The following PANX1 variants were observed in gnomAD, a reference collection of about 807,000 sequenced individuals.
PANX1 encodes pannexin 1, also known as pannexin-1.
In PANX1, 30 loss-of-function variants were observed where a neutral mutation model predicts 38.7. The observed-to-expected ratio is 0.78, with a 90% CI of 0.58 to 1.05. PANX1 has a LOEUF of 1.05. Among genes scored for constraint, PANX1 ranks in the 50% least tolerant of loss-of-function variants. PANX1 has a pLI of 0.00. For missense variants in PANX1, 551 were observed against 517.2 expected (o/e 1.07, Z -0.63); for synonymous variants, 230 against 212.2 (o/e 1.08, Z -0.73).
chr11:94,168,778 A>AGTGACAGCAGTTGAGATCTAGG (rs1947130990), intron 2 of PANX1, among the ~76,000 whole-genome samples: 1 of 151,586 alleles, frequency 6.6e-6, no homozygotes, highest in African/African-American at 2.4e-5. Flanking sequence ...CTTGGTCTAG[A>AGTGACAGCAGTTGAGATCTAGG]GTGACAGCAG....
chr11:94,152,901 C>T (rs1946899875), intron 1 of PANX1, among the ~76,000 whole-genome samples: 4 of 152,098 alleles, frequency 2.6e-5, no homozygotes, highest in South Asian at 2.1e-4. Flanking sequence ...GGTTTGCAGT[C>T]GTGAGCGTTT....
intron 1 of PANX1, 135 bp from the exon 2 acceptor site, chr11:94,153,356 T>G: frequency 1.2e-6 from 1 of 854,604 alleles, no homozygotes; most frequent in Admixed American, 2.5e-5. Flanking sequence ...GGGTGTTTGT[T>G]TTTAGTTCTG....
chr11:94,175,075 C>G (rs1397498002), intron 2 of PANX1, among the ~76,000 whole-genome samples: 2 of 151,716 alleles, frequency 1.3e-5, no homozygotes, highest in Non-Finnish European at 2.9e-5. Context: ...CATCCCAGGC[C>G]TAATGTGGAG....
chr11:94,172,250 A>G (rs1390327863), intron 2 of PANX1, among the ~76,000 whole-genome samples: 1 of 151,558 alleles, frequency 6.6e-6, no homozygotes, highest in East Asian at 1.9e-4. Flanking sequence ...TCGGCTTCCC[A>G]GGAGATTCTG....
At chr11:94,162,802 G>A (rs1565381159) in intron 2 of PANX1, among the ~76,000 whole-genome samples, 1 of 151,608 alleles carries the variant, frequency 6.6e-6, no homozygotes, top group African/African-American at 2.4e-5. Flanking sequence ...CCTGTCTTCT[G>A]CGTCGCTCAC....
At chr11:94,158,899 T>C (rs543128747) in intron 2 of PANX1, among the ~76,000 whole-genome samples, 12 of 152,316 alleles carry the variant, frequency 7.9e-5, no homozygotes, top group African/African-American at 2.9e-4. Flanking sequence ...CATAGATAGC[T>C]CTTATTATTT....
In PANX1 at chr11:94,129,125, G is replaced by A. The variant is rs995523833; in HGVS notation, c.-188G>A. On this transcript the variant is annotated 5_prime_UTR_variant, in exon 1 of 5. Coordinates refer to ENST00000227638, the MANE Select transcript of PANX1 (RefSeq NM_015368.4). Reference sequence around the variant, plus strand: ...CCGCCCCGCCGGCGGCGGAGGCAGCGAGCGCGAGAGCCCAGCGGAGTCGCT... The same window carrying A: ...CCGCCCCGCCGGCGGCGGAGGCAGCAAGCGCGAGAGCCCAGCGGAGTCGCT... The A allele has an allele frequency of 8.9e-5, 41 of 458,668 alleles. No homozygotes were observed. Among genetic ancestry groups the A allele is most frequent in the African/African-American group, 8.1e-4 (39 of 48,378 alleles). 28.4% of individuals were successfully genotyped at this position (458,668 alleles called of 1,614,324 possible).
At position 94,180,927 on chromosome 11, in the gene PANX1, C is replaced by T. The variant is rs573460755; in HGVS notation, c.*58C>T. 577 of 967,304 alleles carry T rather than the reference C, an allele frequency of 6.0e-4. 4 individuals carry two copies. In the South Asian group the frequency reaches 7.1e-3, roughly 12 times the overall value. 59.9% of individuals were successfully genotyped at this position (967,304 alleles called of 1,614,324 possible). On this transcript the variant is annotated 3_prime_UTR_variant, in exon 5 of 5. Transcript: ENST00000227638. ...TTCTGCGACATGGGATTTAATTTGGCTAAAGCACCCCTGTTGGTTTCACAG... is the reference window on the plus strand; with the variant it reads ...TTCTGCGACATGGGATTTAATTTGGTTAAAGCACCCCTGTTGGTTTCACAG...
At chr11:94,147,598 G>T (rs1010900416) in intron 1 of PANX1, among the ~76,000 whole-genome samples, 1 of 152,084 alleles carries the variant, frequency 6.6e-6, no homozygotes, top group South Asian at 2.1e-4. Flanking sequence ...CCTCCTTCTC[G>T]TTTCTGTTGC....
intron 2 of PANX1, among the ~76,000 whole-genome samples, chr11:94,167,700 G>T (rs971046139): frequency 1.3e-5 from 2 of 152,148 alleles, no homozygotes; most frequent in Non-Finnish European, 2.9e-5. Context: ...TAATCAAATA[G>T]AAATTCTTGA....
At chr11:94,161,513 C>G (rs1947034502) in intron 2 of PANX1, among the ~76,000 whole-genome samples, 1 of 152,238 alleles carries the variant, frequency 6.6e-6, no homozygotes, top group South Asian at 2.1e-4. Context: ...TTGATCAAAT[C>G]GGCTACTGAG....
intron 2 of PANX1, among the ~76,000 whole-genome samples, chr11:94,161,089 A>T (rs1444446408): frequency 6.6e-6 from 1 of 152,312 alleles, no homozygotes; most frequent in East Asian, 1.9e-4. Flanking sequence ...TCTGCCGAGA[A>T]ATCAGCTGTT....
intron 2 of PANX1, among the ~76,000 whole-genome samples, chr11:94,161,721 C>T (rs184856228): frequency 2.8e-4 from 42 of 152,288 alleles, no homozygotes; most frequent in Admixed American, 1.4e-3. Context: ...TCTCTCAATT[C>T]GTCAAAGTCA....
intron 1 of PANX1, among the ~76,000 whole-genome samples, chr11:94,144,949 A>G (rs1407219379): frequency 1.3e-5 from 2 of 152,172 alleles, no homozygotes; most frequent in South Asian, 2.1e-4. Flanking sequence ...TTCCTGTCTT[A>G]TAGTAGTATT....
intron 1 of PANX1, among the ~76,000 whole-genome samples, chr11:94,132,447 G>A (rs1420682138): frequency 6.6e-6 from 1 of 152,184 alleles, no homozygotes; most frequent in Non-Finnish European, 1.5e-5. Context: ...GTGGAGCAGT[G>A]TTGGCTGAAG....
chr11:94,129,856 A>G (rs1346835563), intron 1 of PANX1, among the ~76,000 whole-genome samples: 1 of 152,156 alleles, frequency 6.6e-6, no homozygotes, highest in Non-Finnish European at 1.5e-5. Flanking sequence ...CAGCCGCCTA[A>G]AATTTTACAC....
At chr11:94,147,667 G>A (rs929866706) in intron 1 of PANX1, among the ~76,000 whole-genome samples, 4 of 152,134 alleles carry the variant, frequency 2.6e-5, no homozygotes, top group Non-Finnish European at 4.4e-5. Flanking sequence ...GATAAGCCTC[G>A]CAGGTTCCCT....
chr11:94,162,445 C>T (rs1346324269), intron 2 of PANX1, among the ~76,000 whole-genome samples: 1 of 152,236 alleles, frequency 6.6e-6, no homozygotes, highest in African/African-American at 2.4e-5. Flanking sequence ...AGCCTCGCTG[C>T]CACCTTGCAG....
intron 1 of PANX1, among the ~76,000 whole-genome samples, chr11:94,137,100 T>G (rs958008385): frequency 5.3e-5 from 8 of 151,990 alleles, no homozygotes; most frequent in Admixed American, 1.3e-4. Context: ...GGTCAAGAGA[T>G]CGAGACCATC....
Sources: gnomAD v4.1 joint callset for allele counts (sites outside exome capture counted in the v4.1 genomes callset) on GRCh38, gnomAD v4.1.1 for gene constraint, MANE v1.5 for transcripts, NCBI Gene and HGNC (gene_info 2026-07-23, HGNC 2026-07-21) for gene names.